Variants in ATP6V1C2 observed in about 807,000 individuals in gnomAD.
ATP6V1C2 encodes V-type proton ATPase subunit C 2.
In ATP6V1C2, 45 loss-of-function variants were observed where a neutral mutation model predicts 56.8. That is an observed-to-expected ratio of 0.79 (90% CI 0.62 to 1.02). The LOEUF (loss-of-function observed/expected upper bound fraction) is 1.02, where lower values mean the gene tolerates loss of function less well. ATP6V1C2 is among the 50% of genes least tolerant of loss of function. The pLI is 0.00. For missense variants in ATP6V1C2, 463 were observed against 519.7 expected, an observed-to-expected ratio of 0.89 and a Z score of 1.06; for synonymous variants, 220 against 201.3, an observed-to-expected ratio of 1.09 and a Z score of -0.79.
At chr2:10,725,489 A>AT (rs371459373) in intron 2 of ATP6V1C2, among the ~76,000 whole-genome samples, 27,241 of 106,878 alleles carry the variant, frequency 0.25, 4,313 homozygotes, top group South Asian at 0.39. Context: ...CCCAGCAAGA[A>AT]TTTTTTTTTT....
chr2:10,773,171 G>A (rs1664740951), intron 8 of ATP6V1C2, among the ~76,000 whole-genome samples: 1 of 152,230 alleles, frequency 6.6e-6, no homozygotes, highest in Non-Finnish European at 1.5e-5. Flanking sequence ...GGGAAAGGCA[G>A]CTGCAGAGGA....
chr2:10,737,913 C>T (rs182469530), intron 3 of ATP6V1C2, among the ~76,000 whole-genome samples: 117 of 152,260 alleles, frequency 7.7e-4, no homozygotes, highest in South Asian at 1.0e-3. Context: ...AGGTTGGTCT[C>T]GAACTCCTGA....
rs927290116 is a variant in ATP6V1C2, at chr2:10,738,195, C to T, written c.197+11626C>T. On this transcript the variant is annotated intron_variant, in intron 3 of 13. Transcript: ENST00000272238. ...GATCATGTAGCTGCCTAGTGTCAGG[C>T]CTTCACCTGGTCATCCTGACTGCCT... 3.4e-4 allele frequency among the ~76,000 whole-genome samples: 52 copies of T among 152,174 alleles called. 1 individual carries two copies. The highest frequency in any genetic ancestry group is 1.3e-3 in the African/African-American group (52 of 41,446).
chr2:10,753,719 C>CG (rs879296803), intron 3 of ATP6V1C2, among the ~76,000 whole-genome samples: 1 of 151,778 alleles, frequency 6.6e-6, no homozygotes, highest in Non-Finnish European at 1.5e-5. Context: ...TTAGTAGAGA[C>CG]GGGGTTTCAC....
intron 7 of ATP6V1C2, among the ~76,000 whole-genome samples, chr2:10,772,152 G>A (rs1035502769): frequency 8.5e-5 from 13 of 152,314 alleles, no homozygotes; most frequent in African/African-American, 3.1e-4. Flanking sequence ...GCCATTTATT[G>A]AGCACTTGCT....
intron 7 of ATP6V1C2, among the ~76,000 whole-genome samples, chr2:10,772,243 A>C (rs1446384176): frequency 6.6e-6 from 1 of 152,196 alleles, no homozygotes; most frequent in Non-Finnish European, 1.5e-5. Context: ...CATTGTCCTG[A>C]GGCTGGAGAG....
intron 3 of ATP6V1C2, among the ~76,000 whole-genome samples, chr2:10,731,064 G>A (rs772976438): frequency 5.3e-5 from 8 of 151,988 alleles, no homozygotes; most frequent in Admixed American, 6.6e-5. Flanking sequence ...TGATCCTCCC[G>A]CCTCAGCCTC....
rs749243290 is a variant in ATP6V1C2 at position 10,774,771 on chromosome 2, A to G, written c.639-17A>G. ...GCCTAGCAGTGAGTCCAGCCAACAG[A>G]TGCTTCTCTCCAACAGACTCATTAC... On this transcript the variant is annotated splice_polypyrimidine_tract_variant and intron_variant, in intron 8 of 13. Coordinates refer to ENST00000272238, the MANE Select transcript of ATP6V1C2 (RefSeq NM_001039362.2). 1 of 1,610,704 alleles carries G rather than the reference A, an allele frequency of 6.2e-7. No individual in the cohort carries two copies. The highest frequency in any genetic ancestry group is 8.5e-7 in the Non-Finnish European group (1 of 1,176,918).
At chr2:10,750,625 G>A (rs1233118683) in intron 3 of ATP6V1C2, among the ~76,000 whole-genome samples, 5 of 152,146 alleles carry the variant, frequency 3.3e-5, no homozygotes, top group Non-Finnish European at 5.9e-5. Flanking sequence ...TTTTAGGTCT[G>A]TTAGGACAGA....
At chr2:10,771,332 A>C (rs1664584800) in intron 6 of ATP6V1C2, among the ~76,000 whole-genome samples, 1 of 152,222 alleles carries the variant, frequency 6.6e-6, no homozygotes, top group South Asian at 2.1e-4. Context: ...CACTCAGACC[A>C]GGTCCACTGG....
chr2:10,772,024 GGAT>G lies in ATP6V1C2; in HGVS notation c.569+89_569+91del, dbSNP rs2148499034. ...TTGGTGACTTGGGCAGTGTGGACGA[GGAT>G]GCTCCCTGCCCAGCCCCAGTTCTCG... On this transcript the variant is annotated intron_variant, in intron 7 of 13. Transcript: ENST00000272238. 3.4e-6 allele frequency: 4 copies of G among 1,175,544 alleles called. No individual in the cohort carries two copies. The East Asian group carries it at 9.3e-5, about 27-fold the overall frequency. The allele number at this position is 1,175,544 out of a possible 1,614,324, so 72.8% of individuals were successfully genotyped here.
rs749906856 is a variant in ATP6V1C2 at position 10,777,665 on chromosome 2, T to A, written c.906T>A (p.Pro302=). The change falls in exon 11 of 14, where the codon CCT becomes CCA. Residue 302 remains proline, a synonymous_variant. Transcript: ENST00000272238. ...HKVKVTPLGN[P]DRPAAGQTDR... ...TTAAGGTAACCCCGCTAGGTAACCC[T>A]GATAGGCCTGCTGCGGGGCAGACCG... 1 of 1,614,072 alleles carries A rather than the reference T, an allele frequency of 6.2e-7. No individual in the cohort carries two copies. Among genetic ancestry groups the A allele is most frequent in the Non-Finnish European group, 8.5e-7 (1 of 1,180,002 alleles).
At position 10,783,097 on chromosome 2, in the gene ATP6V1C2, G is replaced by A. The variant is rs562820946; in HGVS notation, c.1195-77G>A. 1.5e-5 allele frequency: 17 copies of A among 1,137,068 alleles called. No individual in the cohort carries two copies. In the African/African-American group the frequency reaches 2.1e-4, roughly 14 times the overall value. The allele number at this position is 1,137,068 out of a possible 1,614,324, so 70.4% of individuals were successfully genotyped here. On this transcript the variant is annotated intron_variant, in intron 13 of 13. Transcript: ENST00000272238. ...GCAGAACGTACGCTCAGTGCCTGGC[G>A]AGCTTCCTCAAAACTAAAAGGATAA... is the stretch of plus-strand genomic sequence containing the variant.
At chr2:10,744,673 T>TTC (rs1553326830) in intron 3 of ATP6V1C2, among the ~76,000 whole-genome samples, 3 of 135,588 alleles carry the variant, frequency 2.2e-5, no homozygotes, top group Non-Finnish European at 5.0e-5. Flanking sequence ...CTTTTTCTTT[T>TTC]TTTTTTTTTT....
In ATP6V1C2 at chr2:10,725,801, C is replaced by T. The variant is rs116042286; in HGVS notation, c.130-701C>T. Among the ~76,000 whole-genome samples the T allele has an allele frequency of 5.5e-3, 827 of 151,250 alleles. 8 individuals are homozygous for T. Among genetic ancestry groups the T allele is most frequent in the African/African-American group, 0.019 (779 of 41,280 alleles). On this transcript the variant is annotated intron_variant, in intron 2 of 13. Transcript: ENST00000272238. The stretch of plus-strand genomic sequence containing the variant: ...AGAACAGAGAAAAAGACGGTGGGGC[C>T]GGGTGCAGTGGCTTGAGCCTGTAAT...
At chr2:10,741,041 A>T (rs1662524567) in intron 3 of ATP6V1C2, among the ~76,000 whole-genome samples, 1 of 152,098 alleles carries the variant, frequency 6.6e-6, no homozygotes, top group Non-Finnish European at 1.5e-5. Context: ...CATGTGGGTG[A>T]CTCTATAATG....
intron 2 of ATP6V1C2, among the ~76,000 whole-genome samples, chr2:10,725,691 T>C (rs2148404541): frequency 6.6e-6 from 1 of 150,976 alleles, no homozygotes; most frequent in African/African-American, 2.4e-5. Context: ...GACAGGGTTT[T>C]GCCATATTGG....
In ATP6V1C2 at chr2:10,785,054, C is replaced by G; in HGVS notation, c.*1791C>G. The G allele has an allele frequency of 2.8e-6, 4 of 1,443,380 alleles. No homozygotes were observed. The highest frequency in any genetic ancestry group is 1.4e-5 in the African/African-American group (1 of 71,328). The allele number at this position is 1,443,380 out of a possible 1,614,324, so 89.4% of individuals were successfully genotyped here. On this transcript the variant is annotated 3_prime_UTR_variant, in exon 14 of 14. Transcript: ENST00000272238. Reference sequence around the variant, plus strand: ...CCCTTAGGGAAAAATGACCAAAACACACACACACATTTACAATGGACTGCT... The same window carrying G: ...CCCTTAGGGAAAAATGACCAAAACAGACACACACATTTACAATGGACTGCT...
intron 3 of ATP6V1C2, among the ~76,000 whole-genome samples, chr2:10,741,301 G>A (rs1662537427): frequency 6.6e-6 from 1 of 152,254 alleles, no homozygotes; most frequent in African/African-American, 2.4e-5. Context: ...CTTAATTGCT[G>A]TGGAGTCACA....
Sources: allele counts gnomAD v4.1 joint callset (sites outside exome capture counted in the v4.1 genomes callset), GRCh38; gene constraint gnomAD v4.1.1; transcripts MANE v1.5; gene names NCBI Gene and HGNC (gene_info 2026-07-23, HGNC 2026-07-21).